RIMS2: variants seen among roughly 807,000 people sequenced by gnomAD.
RIMS2 encodes regulating synaptic membrane exocytosis protein 2.
RIMS2 carries 59 observed loss-of-function variants against 174.4 expected under a neutral mutation model. That is an observed-to-expected ratio of 0.34 (90% confidence interval 0.27 to 0.42). The LOEUF (loss-of-function observed/expected upper bound fraction) is 0.42. Ranked by LOEUF, RIMS2 falls within the 10% of genes least tolerant of loss-of-function variation. The pLI, the probability that RIMS2 is intolerant of heterozygous loss-of-function variation, is 1.00. For synonymous variants in RIMS2, 606 were observed against 572.5 expected, an observed-to-expected ratio of 1.06 and a Z score of -0.84; for missense variants, 1,620 against 1,666.3, an observed-to-expected ratio of 0.97 and a Z score of 0.48.
At chr8:103,664,079 G>A (rs2096637580) in intron 1 of RIMS2, among the ~76,000 whole-genome samples, 1 of 152,330 alleles carries the variant, frequency 6.6e-6, no homozygotes, top group Non-Finnish European at 1.5e-5. Flanking sequence ...CTAGCCATAT[G>A]TAGAAAGCTG....
intron 19 of RIMS2, among the ~76,000 whole-genome samples, chr8:104,111,912 T>A (rs1214372403): frequency 6.6e-6 from 1 of 152,202 alleles, no homozygotes; most frequent in East Asian, 1.9e-4. Flanking sequence ...TCTCCCAGTT[T>A]CCCTCTTTAT....
intron 19 of RIMS2, among the ~76,000 whole-genome samples, chr8:104,108,699 A>C (rs2098122934): frequency 6.6e-6 from 1 of 152,208 alleles, no homozygotes; most frequent in African/African-American, 2.4e-5. Flanking sequence ...AAAAATAAGA[A>C]AATTTGTAGA....
At chr8:103,662,719 T>C (rs531876675) in intron 1 of RIMS2, among the ~76,000 whole-genome samples, 4 of 148,318 alleles carry the variant, frequency 2.7e-5, no homozygotes, top group African/African-American at 9.9e-5. Flanking sequence ...TCTATCTATC[T>C]ATAGTCTTAT....
At chr8:104,002,074 T>C (rs2095412347) in intron 17 of RIMS2, among the ~76,000 whole-genome samples, 1 of 152,160 alleles carries the variant, frequency 6.6e-6, no homozygotes, top group South Asian at 2.1e-4. Flanking sequence ...AATTCTACTT[T>C]GGTCGGTCAC....
chr8:104,131,599 G>T (rs1599586520), intron 19 of RIMS2, among the ~76,000 whole-genome samples: 1 of 152,134 alleles, frequency 6.6e-6, no homozygotes, highest in Non-Finnish European at 1.5e-5. Flanking sequence ...CCTTAGAAAA[G>T]ATGGTAAGTG....
At chr8:104,060,726 T>C (rs1201307702) in intron 19 of RIMS2, among the ~76,000 whole-genome samples, 1 of 152,232 alleles carries the variant, frequency 6.6e-6, no homozygotes, top group East Asian at 1.9e-4. Flanking sequence ...AATTTCCCTC[T>C]ACACACTGCT....
chr8:103,639,318 A>C (rs57901487), intron 1 of RIMS2, among the ~76,000 whole-genome samples: 18,848 of 151,880 alleles, frequency 0.12, 1,268 homozygotes, highest in Middle Eastern at 0.22. Context: ...TTTAAAAAAA[A>C]AGTTTGCAAA....
intron 19 of RIMS2, among the ~76,000 whole-genome samples, chr8:104,136,814 G>A (rs1350976425): frequency 6.6e-6 from 1 of 152,048 alleles, no homozygotes; most frequent in African/African-American, 2.4e-5. Context: ...GAGGGTGGGA[G>A]GAGGGAGAAA....
chr8:103,538,885 G>A (rs1349232888), intron 1 of RIMS2, among the ~76,000 whole-genome samples: 1 of 152,172 alleles, frequency 6.6e-6, no homozygotes, highest in African/African-American at 2.4e-5. Flanking sequence ...ACCATGTTTG[G>A]TTTTCCATTC....
intron 19 of RIMS2, among the ~76,000 whole-genome samples, chr8:104,140,122 A>G (rs1438136564): frequency 1.3e-5 from 2 of 152,176 alleles, no homozygotes; most frequent in Non-Finnish European, 2.9e-5. Context: ...CCACTTGGTC[A>G]TGATGAAAGT....
At chr8:103,736,723 G>C (rs1182969607) in intron 2 of RIMS2, among the ~76,000 whole-genome samples, 1 of 152,148 alleles carries the variant, frequency 6.6e-6, no homozygotes, top group African/African-American at 2.4e-5. Flanking sequence ...TTGTTCTTGG[G>C]AGGACTTTAG....
chr8:104,056,962 G>C (rs1257283483), intron 19 of RIMS2, among the ~76,000 whole-genome samples: 1 of 151,888 alleles, frequency 6.6e-6, no homozygotes. Context: ...CAGTTTCAAG[G>C]TCCCGTCAAC....
At chr8:104,052,826 T>C (rs777367023) in intron 19 of RIMS2, among the ~76,000 whole-genome samples, 2 of 151,782 alleles carry the variant, frequency 1.3e-5, no homozygotes, top group Admixed American at 6.6e-5. Context: ...ATTGAAGATA[T>C]GGAATTAAAT....
chr8:103,633,719 G>A (rs1453441247), intron 1 of RIMS2, among the ~76,000 whole-genome samples: 1 of 152,028 alleles, frequency 6.6e-6, no homozygotes, highest in African/African-American at 2.4e-5. Flanking sequence ...GCTCATTATT[G>A]GTCCATTCGG....
At chr8:103,717,404 G>A (rs1253047992) in intron 2 of RIMS2, among the ~76,000 whole-genome samples, 1 of 151,396 alleles carries the variant, frequency 6.6e-6, no homozygotes, top group Admixed American at 6.6e-5. Context: ...CAGACTGTGC[G>A]TCATCCTTGA....
intron 14 of RIMS2, among the ~76,000 whole-genome samples, chr8:103,957,852 A>T (rs189687972): frequency 7.9e-5 from 12 of 152,348 alleles, no homozygotes; most frequent in Admixed American, 4.6e-4. Flanking sequence ...CTACAATGAG[A>T]TACCATCGCA....
intron 19 of RIMS2, among the ~76,000 whole-genome samples, chr8:104,028,473 A>T (rs1053306353): frequency 5.3e-5 from 8 of 152,182 alleles, no homozygotes; most frequent in Admixed American, 2.0e-4. Flanking sequence ...AAACAAATTA[A>T]CTTTTAATTA....
chr8:104,138,780 A>G (rs749201546), intron 19 of RIMS2, among the ~76,000 whole-genome samples: 6 of 151,968 alleles, frequency 3.9e-5, no homozygotes, highest in Non-Finnish European at 8.8e-5. Context: ...ATGTGATCCC[A>G]TTTGTCCATT....
At chr8:103,794,712 A>C (rs564766437) in intron 3 of RIMS2, among the ~76,000 whole-genome samples, 80 of 152,346 alleles carry the variant, frequency 5.3e-4, no homozygotes, top group African/African-American at 1.9e-3. Flanking sequence ...TCCAGAATCT[A>C]CAAAGTACTT....
Sources: allele counts gnomAD v4.1 joint callset (sites outside exome capture counted in the v4.1 genomes callset), GRCh38; gene constraint gnomAD v4.1.1; transcripts MANE v1.5; gene names NCBI Gene and HGNC (gene_info 2026-07-23, HGNC 2026-07-21).